The following PARD3 variants were observed in gnomAD, a reference collection of about 807,000 sequenced individuals.
PARD3 encodes the protein par-3 family cell polarity regulator.
A neutral mutation model predicts 155.4 loss-of-function variants in PARD3; 75 were observed. That is an observed-to-expected ratio of 0.48 (90% CI 0.40 to 0.58). PARD3 has a LOEUF of 0.58. Among genes scored for constraint, PARD3 ranks in the 20% least tolerant of loss-of-function variants. The pLI is 0.00. For synonymous variants in PARD3, 576 were observed against 610.5 expected (o/e 0.94, Z 0.83); for missense variants, 1,642 against 1,721.7 (o/e 0.95, Z 0.82).
intron 14 of PARD3, among the ~76,000 whole-genome samples, chr10:34,351,083 G>C (rs1838028709): frequency 6.6e-6 from 1 of 152,190 alleles, no homozygotes; most frequent in Admixed American, 6.5e-5. Flanking sequence ...TTTGTTGTGA[G>C]TATGCATTAG....
chr10:34,679,472 T>C (rs1259300816), intron 2 of PARD3, among the ~76,000 whole-genome samples: 1 of 152,206 alleles, frequency 6.6e-6, no homozygotes, highest in Non-Finnish European at 1.5e-5. Flanking sequence ...TCACCACTCC[T>C]ACTTCAAACC....
At chr10:34,540,446 T>TA (rs1186419637) in intron 2 of PARD3, among the ~76,000 whole-genome samples, 1 of 152,030 alleles carries the variant, frequency 6.6e-6, no homozygotes, top group Non-Finnish European at 1.5e-5. Context: ...AATACAAAGA[T>TA]ATAAGTATAC....
intron 7 of PARD3, among the ~76,000 whole-genome samples, chr10:34,388,042 C>G (rs1479092785): frequency 1.3e-5 from 2 of 152,136 alleles, no homozygotes; most frequent in Non-Finnish European, 2.9e-5. Context: ...ATGAAAATCT[C>G]AGATCTCAGA....
At chr10:34,793,685 C>G (rs1169308417) in intron 1 of PARD3, among the ~76,000 whole-genome samples, 1 of 151,900 alleles carries the variant, frequency 6.6e-6, no homozygotes, top group Non-Finnish European at 1.5e-5. Flanking sequence ...ACTTGGGAGT[C>G]TGAGGCAGGA....
chr10:34,734,614 T>C (rs561989254), intron 1 of PARD3, among the ~76,000 whole-genome samples: 3 of 152,172 alleles, frequency 2.0e-5, no homozygotes, highest in South Asian at 2.1e-4. Flanking sequence ...ATTTTTAAAA[T>C]AAAAGAGAAA....
At chr10:34,509,653 T>C (rs1236707237) in intron 3 of PARD3, among the ~76,000 whole-genome samples, 2 of 152,206 alleles carry the variant, frequency 1.3e-5, no homozygotes, top group Admixed American at 6.5e-5. Context: ...TATAATTTTA[T>C]GACTGATATT....
intron 4 of PARD3, among the ~76,000 whole-genome samples, chr10:34,461,648 A>C: frequency 6.6e-6 from 1 of 152,278 alleles, no homozygotes; most frequent in East Asian, 1.9e-4. Flanking sequence ...ATGAGATCAA[A>C]TGAGATTAAA....
intron 1 of PARD3, among the ~76,000 whole-genome samples, chr10:34,706,301 C>T (rs1351955552): frequency 6.6e-6 from 1 of 152,204 alleles, no homozygotes; most frequent in African/African-American, 2.4e-5. Flanking sequence ...GCAGCCAGGA[C>T]TCCAGCCCAG....
chr10:34,401,377 C>T lies in PARD3; in HGVS notation c.806+449G>A, dbSNP rs114615382. On this transcript the variant is annotated intron_variant, in intron 6 of 24. Transcript: ENST00000374788. The stretch of plus-strand genomic sequence containing the variant: ...CTATTTCTTCAAACAACAATAAATA[C>T]ATATATTTACATGCACTATAATAAT... Among the ~76,000 whole-genome samples the T allele has an allele frequency of 9.2e-3, 1,393 of 152,204 alleles. 21 individuals carry two copies. Among genetic ancestry groups the T allele is most frequent in the African/African-American group, 0.032 (1,324 of 41,532 alleles).
chr10:34,525,736 AT>A (rs35522735), intron 2 of PARD3, among the ~76,000 whole-genome samples: 22 of 150,558 alleles, frequency 1.5e-4, no homozygotes, highest in East Asian at 7.8e-4. Flanking sequence ...AAAAAAAAAG[AT>A]TTTTTTTTTC....
At position 34,269,825 on chromosome 10, in the gene PARD3, T is replaced by C. The variant is rs982149475; in HGVS notation, c.3251A>G (p.His1084Arg). The C allele has an allele frequency of 3.1e-6, 5 of 1,613,982 alleles. No homozygotes were observed. Among genetic ancestry groups the C allele is most frequent in the African/African-American group, 1.3e-5 (1 of 75,056 alleles). The change falls in exon 22 of 25, where the codon CAT (histidine) becomes CGT (arginine). Residue 1084 changes from histidine (H) to arginine (R), a missense_variant. Around this residue, in one of 3 missense-constraint regions of PARD3, gnomAD observed 1,529 missense variants for 1,587.3 expected, o/e 0.96. Transcript: ENST00000374788. ...ERDYAEIQDF[H>R]RTFGCDDELM... ...CTCATCATCACAGCCAAATGTCCGA[T>C]GAAAATCTTGAATTTCAGCATAGTC...
intron 1 of PARD3, among the ~76,000 whole-genome samples, chr10:34,718,977 A>T (rs1406939750): frequency 2.0e-5 from 3 of 152,144 alleles, no homozygotes; most frequent in African/African-American, 7.2e-5. Context: ...TAAAAATAAA[A>T]AATAAATTTT....
At chr10:34,220,649 G>T (rs896730782) in intron 22 of PARD3, among the ~76,000 whole-genome samples, 1 of 152,138 alleles carries the variant, frequency 6.6e-6, no homozygotes, top group Non-Finnish European at 1.5e-5. Context: ...CCTACTTGGG[G>T]CCTCCATTTC....
chr10:34,702,692 G>C (rs1404446286), intron 1 of PARD3, among the ~76,000 whole-genome samples: 1 of 152,220 alleles, frequency 6.6e-6, no homozygotes, highest in African/African-American at 2.4e-5. Context: ...CTAGAGGTGG[G>C]AAGATCTTTC....
chr10:34,119,584 T>C (rs1428522651), intron 24 of PARD3, 29 bp downstream of exon 24: 1 of 1,577,478 alleles, frequency 6.3e-7, no homozygotes, highest in Non-Finnish European at 8.7e-7. Context: ...GCCGGGGGGA[T>C]CTGGAGGCTC....
intron 1 of PARD3, among the ~76,000 whole-genome samples, chr10:34,778,477 T>C (rs1839866042): frequency 6.6e-6 from 1 of 152,208 alleles, no homozygotes; most frequent in African/African-American, 2.4e-5. Flanking sequence ...ATGGCAAACA[T>C]GAATTAACAA....
chr10:34,299,318 G>A (rs1199127438), intron 20 of PARD3, among the ~76,000 whole-genome samples: 3 of 152,316 alleles, frequency 2.0e-5, no homozygotes, highest in Non-Finnish European at 2.9e-5. Flanking sequence ...CAATCCATGA[G>A]TCAGAACTGA....
intron 1 of PARD3, among the ~76,000 whole-genome samples, chr10:34,709,655 G>A (rs1004348574): frequency 2.0e-5 from 3 of 152,126 alleles, no homozygotes; most frequent in African/African-American, 7.2e-5. Context: ...GGTGGCGGAA[G>A]TGGGAGCCAT....
chr10:34,673,739 C>A (rs7075598), intron 2 of PARD3, among the ~76,000 whole-genome samples: 1 of 152,096 alleles, frequency 6.6e-6, no homozygotes, highest in Non-Finnish European at 1.5e-5. Context: ...CTACTACAAA[C>A]AAGAGACAGA....
Sources: gnomAD v4.1 joint callset for allele counts (sites outside exome capture counted in the v4.1 genomes callset) on GRCh38, gnomAD v4.1.1 for gene constraint, gnomAD v4.1.1 regional missense constraint, MANE v1.5 for transcripts, NCBI Gene and HGNC (gene_info 2026-07-23, HGNC 2026-07-21) for gene names.